The following CCND3 variants were observed in gnomAD, a reference collection of about 807,000 sequenced individuals.
CCND3 encodes the protein cyclin D3, also known as G1/S-specific cyclin-D3.
Under a neutral mutation model 28.7 loss-of-function variants are expected in CCND3, and 9 were observed. That is an observed-to-expected ratio of 0.31 (90% CI 0.19 to 0.55). CCND3 has a LOEUF of 0.55. Ranked by LOEUF, CCND3 falls within the 20% of genes least tolerant of loss-of-function variation. The pLI, the probability that CCND3 is intolerant of heterozygous loss-of-function variation, is 0.93. For missense variants in CCND3, 315 were observed against 385.8 expected, an observed-to-expected ratio of 0.82 and a Z score of 1.54; for synonymous variants, 164 against 163.9, an observed-to-expected ratio of 1.00 and a Z score of 0.00.
Position 41,935,402 on chromosome 6 carries a change from T to A in CCND3, c.*538A>T. ...ATTTATAGCTTCTCTGGCTGAGGCC[T>A]AGGCCCCTCCCTCTAGGAGCAGCTG... is the stretch of plus-strand genomic sequence containing the variant. On this transcript the variant is annotated 3_prime_UTR_variant, in exon 5 of 5. Coordinates refer to ENST00000372991, the MANE Select transcript of CCND3 (RefSeq NM_001760.5). 1 of 244,088 alleles carries A rather than the reference T, an allele frequency of 4.1e-6. No homozygotes were observed. The highest frequency in any genetic ancestry group is 6.0e-5 in the East Asian group (1 of 16,802). The allele number at this position is 244,088 out of a possible 1,614,324, so 15.1% of individuals were successfully genotyped here. A position where few individuals can be genotyped will look rare whatever the true frequency, so the allele number is the denominator to read the frequency against.
intron 1 of CCND3, among the ~76,000 whole-genome samples, chr6:42,044,033 T>G (rs546271729): frequency 6.6e-6 from 1 of 152,336 alleles, no homozygotes; most frequent in South Asian, 2.1e-4. Context: ...GCTACCCTGC[T>G]GGCTCGCAGG....
chr6:41,959,480 T>A lies in CCND3; in HGVS notation c.-45-18895A>T, dbSNP rs534989765. ...TGGGCAGATCACAAGGTCAGGAGAT[T>A]GAGACCATCCTGGCCAACATGGTGA... is the stretch of plus-strand genomic sequence containing the variant. On this transcript the variant is annotated intron_variant, in intron 1 of 4. Coordinates refer to the CCND3 transcript ENST00000372988. Among the ~76,000 whole-genome samples, 15 of 151,736 alleles carry A rather than the reference T, an allele frequency of 9.9e-5. 1 individual carries two copies. Among genetic ancestry groups the A allele is most frequent in the East Asian group, 9.7e-4 (5 of 5,144 alleles).
At chr6:41,956,981 A>G (rs906323542) in intron 1 of CCND3, among the ~76,000 whole-genome samples, 2 of 152,194 alleles carry the variant, frequency 1.3e-5, no homozygotes, top group East Asian at 3.8e-4. Flanking sequence ...CAGTGAGCCA[A>G]GATCGCACCA....
intron 1 of CCND3, among the ~76,000 whole-genome samples, chr6:41,977,177 C>T (rs150421160): frequency 2.8e-3 from 432 of 152,272 alleles, no homozygotes; most frequent in East Asian, 0.011. Flanking sequence ...TCCCCACAAC[C>T]ATACTTCCCA....
rs1385601435 is a variant in CCND3 at position 42,034,464 on chromosome 6, C to T, written c.-46+14037G>A. On this transcript the variant is annotated intron_variant, in intron 1 of 4. Coordinates refer to the CCND3 transcript ENST00000372988. ...AGCCACCGTGCCTGGCCAACCCTGT[C>T]ACTCTTTTTTTTTTTTTTTTTTTTT... 1.7e-4 allele frequency among the ~76,000 whole-genome samples: 21 copies of T among 123,104 alleles called. 1 individual carries two copies. Among genetic ancestry groups the T allele is most frequent in the African/African-American group, 5.6e-4 (19 of 33,656 alleles). The allele number at this position is 123,104 out of a possible 152,430, so 80.8% of individuals were successfully genotyped here.
intron 1 of CCND3, among the ~76,000 whole-genome samples, chr6:42,028,971 G>GCTTT (rs1191162225): frequency 2.2e-5 from 3 of 137,796 alleles, no homozygotes; most frequent in African/African-American, 8.1e-5. Context: ...CCTTGAAACG[G>GCTTT]TTTTTTTTTT....
At chr6:42,026,911 GT>G (rs1448894585) in intron 1 of CCND3, among the ~76,000 whole-genome samples, 1 of 152,194 alleles carries the variant, frequency 6.6e-6, no homozygotes, top group East Asian at 1.9e-4. Flanking sequence ...CCACCAAGGG[GT>G]CAGATCACCC....
In CCND3 at chr6:41,951,590, A is replaced by C. The variant is rs534153587; in HGVS notation, c.-45-11005T>G. On this transcript the variant is annotated intron_variant, in intron 1 of 4. Coordinates refer to the CCND3 transcript ENST00000372988. ...CACACACACACAAAAAAAAAGATTA[A>C]GTGGGAGTAAGAAGAGAGAAGCAGG... Among the ~76,000 whole-genome samples, 8 of 146,080 alleles carry C rather than the reference A, an allele frequency of 5.5e-5. 1 individual carries two copies. Among genetic ancestry groups the C allele is most frequent in the Non-Finnish European group, 9.1e-5 (6 of 66,008 alleles).
At chr6:41,942,035 C>A (rs1776053371), upstream of CCND3, among the ~76,000 whole-genome samples, 1 of 152,172 alleles carries the variant, frequency 6.6e-6, no homozygotes, top group Non-Finnish European at 1.5e-5. Context: ...GGCCTCCTAC[C>A]CACCCACGGG....
intron 1 of CCND3, among the ~76,000 whole-genome samples, chr6:42,037,388 C>T (rs996938233): frequency 2.0e-5 from 3 of 151,962 alleles, no homozygotes; most frequent in Non-Finnish European, 2.9e-5. Context: ...CAGGCATGCA[C>T]GACCATGCCC....
intron 1 of CCND3, among the ~76,000 whole-genome samples, chr6:41,963,494 T>G (rs1192129810): frequency 1.3e-5 from 2 of 152,180 alleles, no homozygotes; most frequent in Admixed American, 1.3e-4. Context: ...AATCTCACTG[T>G]CTCTAATACA....
intron 1 of CCND3, among the ~76,000 whole-genome samples, chr6:41,999,467 G>A (rs1762924008): frequency 6.6e-6 from 1 of 152,106 alleles, no homozygotes; most frequent in South Asian, 2.1e-4. Flanking sequence ...GCCTCCCAAA[G>A]TGCTGGGATT....
At chr6:41,959,679 T>TCCGGCTCAAAAAAAAAAAAAAA (rs772818142) in intron 1 of CCND3, among the ~76,000 whole-genome samples, 1 of 147,120 alleles carries the variant, frequency 6.8e-6, no homozygotes, top group Non-Finnish European at 1.5e-5. Context: ...ACAGCAAGAC[T>TCCGGCTCAAAAAAAAAAAAAAA]AAATCAGGCC....
intron 1 of CCND3, among the ~76,000 whole-genome samples, chr6:42,035,391 G>A (rs373611542): frequency 6.6e-6 from 1 of 151,806 alleles, no homozygotes; most frequent in African/African-American, 2.4e-5. Flanking sequence ...TTTTTGAGAC[G>A]GAGTCTCACA....
At chr6:42,037,829 A>G (rs1161458077) in intron 1 of CCND3, among the ~76,000 whole-genome samples, 1 of 151,730 alleles carries the variant, frequency 6.6e-6, no homozygotes, top group Non-Finnish European at 1.5e-5. Context: ...TCAGGAGTTC[A>G]AGACTAGTCT....
intron 1 of CCND3, among the ~76,000 whole-genome samples, chr6:42,002,771 G>A (rs182493354): frequency 2.0e-4 from 30 of 151,122 alleles, no homozygotes; most frequent in Admixed American, 1.4e-3. Flanking sequence ...GGACAATGGC[G>A]TGAACCCGGG....
intron 1 of CCND3, among the ~76,000 whole-genome samples, chr6:42,025,667 G>C (rs553369638): frequency 6.3e-4 from 96 of 152,342 alleles, no homozygotes; most frequent in South Asian, 1.2e-3. Context: ...GGGCTCAGAG[G>C]TGAGGGCCTA....
intron 1 of CCND3, among the ~76,000 whole-genome samples, chr6:41,947,604 A>G (rs1383968955): frequency 6.6e-6 from 1 of 152,172 alleles, no homozygotes; most frequent in East Asian, 1.9e-4. Context: ...ATTTCAAAAT[A>G]TTTCCAAAAT....
chr6:42,003,938 C>CAAA (rs34911832), intron 1 of CCND3, among the ~76,000 whole-genome samples: 10 of 85,342 alleles, frequency 1.2e-4, no homozygotes, highest in Admixed American at 2.6e-4. Flanking sequence ...GACCCTATCT[C>CAAA]AAAAAAAAAA....
Sources: allele counts gnomAD v4.1 joint callset (sites outside exome capture counted in the v4.1 genomes callset), GRCh38; gene constraint gnomAD v4.1.1; transcripts MANE v1.5; gene names NCBI Gene and HGNC (gene_info 2026-07-23, HGNC 2026-07-21).